The following ERCC4 variants were observed in gnomAD, a reference collection of about 807,000 sequenced individuals.
ERCC4 encodes ERCC excision repair 4, endonuclease catalytic subunit.
In ERCC4, 65 loss-of-function variants were observed where a neutral mutation model predicts 76.9. The ratio of observed to expected loss-of-function variants is 0.84; its 90% CI spans 0.69 to 1.04. ERCC4 has a LOEUF of 1.04. ERCC4 is among the 50% of genes least tolerant of loss of function. The probability of loss-of-function intolerance (pLI) is 0.00; values close to 1 mark genes in which losing one functional copy is unlikely to be tolerated. For missense variants in ERCC4, 1,214 were observed against 1,128.2 expected (o/e 1.08, Z -1.09); for synonymous variants, 463 against 410.1 (o/e 1.13, Z -1.56).
Position 13,930,763 on chromosome 16 carries a change from A to G in ERCC4, c.846A>G (p.Lys282=), listed in dbSNP as rs200536315. ...GGCACCAGCTTGGAGCCAAGACTAA[A>G]TCCTTAGTTCAGGATTTGAAGATAT... ...PLWHQLGAKT[K]SLVQDLKILR... Residue 282 remains lysine, a synonymous_variant, in exon 5 of 11, where the codon AAA becomes AAG. Transcript: ENST00000311895. 7 of 1,613,614 alleles carry G rather than the reference A, an allele frequency of 4.3e-6. No individual in the cohort carries two copies. The Admixed American group carries it at 1.2e-4, about 27-fold the overall frequency.
rs748526617 is a variant in ERCC4 at position 13,937,774 on chromosome 16, T to G, written c.1820T>G (p.Phe607Cys). Residue 607 changes from phenylalanine to cysteine, a missense_variant, in exon 9 of 11, where the codon TTT becomes TGT. By Grantham distance (205) the Phe-to-Cys change is radical. Transcript: ENST00000311895. ...SRPGKPLRVY[F>C]LIYGGSTEEQ... ...TCTGTCTTAACATGCAGGGTTTACT[T>G]TCTTATATACGGAGGTTCAACTGAG... 2 of 1,609,432 alleles carry G rather than the reference T, an allele frequency of 1.2e-6. No individual in the cohort carries two copies. Among genetic ancestry groups the G allele is most frequent in the Admixed American group, 3.3e-5 (2 of 60,018 alleles).
Position 13,920,251 on chromosome 16 carries a change from C to T in ERCC4, c.86C>T (p.Thr29Ile), listed in dbSNP as rs1370047760. The change falls in exon 1 of 11, where the codon ACT becomes ATT. Residue 29 changes from threonine (T) to isoleucine (I), a missense_variant. By Grantham distance (89) the Thr-to-Ile change is moderately conservative. Transcript: ENST00000311895. ...CAGCTGGTGCTGGAACTGCTCGACA[C>T]TGACGGGCTAGTAGTGTGCGCCCGC... is the stretch of plus-strand genomic sequence containing the variant. ...ERQLVLELLD[T>I]DGLVVCARGL... 1.9e-6 allele frequency: 3 copies of T among 1,607,558 alleles called. No individual in the cohort carries two copies. The highest frequency in any genetic ancestry group is 2.7e-5 in the African/African-American group (2 of 74,950).
In ERCC4 at chr16:13,947,694, C is replaced by T; in HGVS notation, c.2098C>T (p.His700Tyr). Residue 700 changes from histidine (H) to tyrosine (Y), a missense_variant, in exon 11 of 11, where the codon CAT becomes TAT. Coordinates refer to ENST00000311895, the MANE Select transcript of ERCC4 (RefSeq NM_005236.3). Reference sequence around the variant, plus strand: ...TCGAAGTGAGCTTCCATCTCTGATCCATCGTCGGGGCATTGACATTGAACC... The same window carrying T: ...TCGAAGTGAGCTTCCATCTCTGATCTATCGTCGGGGCATTGACATTGAACC... ...EFRSELPSLI[H>Y]RRGIDIEPVT... The T allele has an allele frequency of 6.2e-7, 1 of 1,614,216 alleles. No individual in the cohort carries two copies. The highest frequency in any genetic ancestry group is 8.5e-7 in the Non-Finnish European group (1 of 1,180,034).
chr16:13,937,287 C>G (rs1171607467), intron 8 of ERCC4, among the ~76,000 whole-genome samples: 1 of 152,010 alleles, frequency 6.6e-6, no homozygotes, highest in Admixed American at 6.6e-5. Context: ...ATCCATACGT[C>G]TTCCATGCCC....
At chr16:13,921,122 C>T (rs2031966657) in intron 1 of ERCC4, among the ~76,000 whole-genome samples, 1 of 151,818 alleles carries the variant, frequency 6.6e-6, no homozygotes, top group Non-Finnish European at 1.5e-5. Context: ...GATGGAAGAT[C>T]TCTGAGGGTG....
In ERCC4 at chr16:13,937,809, T is replaced by C; in HGVS notation, c.1855T>C (p.Tyr619His). Residue 619 changes from tyrosine (Y) to histidine (H), a missense_variant, in exon 9 of 11, where the codon TAT becomes CAT. By Grantham distance (83) the Tyr-to-His change is moderately conservative. Transcript: ENST00000311895. ...IYGGSTEEQR[Y>H]LTALRKEKEA... Reference sequence around the variant, plus strand: ...CGGAGGTTCAACTGAGGAACAACGCTATCTCACTGCTTTGCGGAAAGAAAA... The same window carrying C: ...CGGAGGTTCAACTGAGGAACAACGCCATCTCACTGCTTTGCGGAAAGAAAA... 1 of 1,613,764 alleles carries C rather than the reference T, an allele frequency of 6.2e-7. No individual in the cohort carries two copies. The highest frequency in any genetic ancestry group is 1.1e-5 in the South Asian group (1 of 91,076).
intron 8 of ERCC4, 85 bp from the exon 9 acceptor site, chr16:13,937,681 G>A: frequency 2.4e-6 from 2 of 827,430 alleles, no homozygotes; most frequent in South Asian, 2.7e-5. Context: ...AGCGCTCTAG[G>A]TTGCTGATTT....
chr16:13,930,598 A>G (rs2141948256), intron 4 of ERCC4, 112 bp from the exon 5 acceptor site: 2 of 807,060 alleles, frequency 2.5e-6, no homozygotes, highest in South Asian at 3.3e-5. Flanking sequence ...AAAATTTACC[A>G]TTTTAACCAT....
In ERCC4 at chr16:13,934,212, C is replaced by T. The variant is rs376695854; in HGVS notation, c.1123C>T (p.Leu375=). Residue 375 remains leucine (L), a synonymous_variant, in exon 7 of 11, where the codon CTA becomes TTA. Transcript: ENST00000311895. ...TACAGAAACAAAAAAGGAACTGGTC[C>T]TAGAAAGCAACCCAAAGTGGGAGGC... The part of the protein sequence containing the change: ...EGEETKKELV[L]ESNPKWEALT... 24 of 1,611,532 alleles carry T rather than the reference C, an allele frequency of 1.5e-5. No individual in the cohort carries two copies. In the African/African-American group the frequency reaches 3.1e-4, roughly 21 times the overall value.
In ERCC4 at chr16:13,948,048, C is replaced by G. The variant is rs774635437; in HGVS notation, c.2452C>G (p.Gln818Glu). The part of the protein sequence containing the change: ...ATAELFEELK[Q>E]SKPQPDAATA... ...GGCGGAGTTGTTTGAGGAGCTGAAA[C>G]AAAGCAAGCCACAGCCTGATGCGGC... The change falls in exon 11 of 11, where the codon CAA (glutamine) becomes GAA (glutamate). Residue 818 changes from glutamine to glutamate, a missense_variant. Gln to Glu is a conservative substitution (Grantham distance 29). Coordinates refer to ENST00000311895, the MANE Select transcript of ERCC4 (RefSeq NM_005236.3). 1.1e-5 allele frequency: 17 copies of G among 1,614,016 alleles called. No homozygotes were observed. The highest frequency in any genetic ancestry group is 2.5e-6 in the Non-Finnish European group (3 of 1,180,046).
In ERCC4 at chr16:13,937,799, G is replaced by A. The variant is rs774347057; in HGVS notation, c.1845G>A (p.Glu615=). 6.2e-7 allele frequency: 1 copy of A among 1,613,624 alleles called. No homozygotes were observed. Among genetic ancestry groups the A allele is most frequent in the South Asian group, 1.1e-5 (1 of 91,078 alleles). The change falls in exon 9 of 11, where the codon GAG becomes GAA. Residue 615 remains glutamate, a synonymous_variant. Coordinates refer to ENST00000311895, the MANE Select transcript of ERCC4 (RefSeq NM_005236.3). ...TTCTTATATACGGAGGTTCAACTGA[G>A]GAACAACGCTATCTCACTGCTTTGC... The part of the protein sequence containing the change: ...VYFLIYGGST[E]EQRYLTALRK...
In ERCC4 at chr16:13,930,814, T is replaced by G. The variant is rs1200003442; in HGVS notation, c.897T>G (p.Ser299=). ...KILRTLLQYL[S]QYDCVTFLNL... ...TACGAACTTTGCTGCAGTATCTCTC[T>G]CAGTATGATTGTGTCACATTTCTTA... is the stretch of plus-strand genomic sequence containing the variant. Residue 299 remains serine, a synonymous_variant, in exon 5 of 11, where the codon TCT becomes TCG. Coordinates refer to ENST00000311895, the MANE Select transcript of ERCC4 (RefSeq NM_005236.3). 6.2e-7 allele frequency: 1 copy of G among 1,612,946 alleles called. No individual in the cohort carries two copies. The highest frequency in any genetic ancestry group is 8.5e-7 in the Non-Finnish European group (1 of 1,178,928).
In ERCC4 at chr16:13,945,335, G is replaced by T. The variant is rs550614692; in HGVS notation, c.2017+500G>T. On this transcript the variant is annotated intron_variant, in intron 10 of 10. Coordinates refer to ENST00000311895, the MANE Select transcript of ERCC4 (RefSeq NM_005236.3). ...TTCTTGGTAGCTCCCCAGATACCTG[G>T]TGTCTGGTACGCATTGCTGTGCAGT... is the stretch of plus-strand genomic sequence containing the variant. Among the ~76,000 whole-genome samples the T allele has an allele frequency of 2.0e-5, 3 of 152,070 alleles. No homozygotes were observed. In the East Asian group the frequency reaches 5.8e-4, roughly 29 times the overall value.
At position 13,947,518 on chromosome 16, in the gene ERCC4, A is replaced by G. The variant is rs1274385235; in HGVS notation, c.2018-96A>G. On this transcript the variant is annotated intron_variant, in intron 10 of 10. Coordinates refer to ENST00000311895, the MANE Select transcript of ERCC4 (RefSeq NM_005236.3). ...ACCATATAGAATTATGTAACCATCC[A>G]TCAGAGTTAACAACAGAAACATCGA... 3 of 1,173,090 alleles carry G rather than the reference A, an allele frequency of 2.6e-6. No individual in the cohort carries two copies. The East Asian group carries it at 7.0e-5, about 27-fold the overall frequency. The allele number at this position is 1,173,090 out of a possible 1,614,324, so 72.7% of individuals were successfully genotyped here.
Position 13,949,314 on chromosome 16 carries a change from A to G in ERCC4, c.*967A>G, listed in dbSNP as rs2032586566. The stretch of plus-strand genomic sequence containing the variant: ...TCTTATATCCTAAGACACCAGCATC[A>G]TATCCTCTAGAAATACAACCTAATT... On this transcript the variant is annotated 3_prime_UTR_variant, in exon 11 of 11. Transcript: ENST00000311895. 1 of 233,936 alleles carries G rather than the reference A, an allele frequency of 4.3e-6. No individual in the cohort carries two copies. The highest frequency in any genetic ancestry group is 1.8e-4 in the South Asian group (1 of 5,530). 14.5% of individuals were successfully genotyped at this position (233,936 alleles called of 1,614,324 possible).
chr16:13,940,104 G>C (rs1209384005), intron 9 of ERCC4, among the ~76,000 whole-genome samples: 1 of 152,224 alleles, frequency 6.6e-6, no homozygotes, highest in Non-Finnish European at 1.5e-5. Context: ...TACAGATTAA[G>C]ACTGGATGCA....
chr16:13,925,416 A>G (rs940164007), intron 2 of ERCC4, among the ~76,000 whole-genome samples: 17 of 152,200 alleles, frequency 1.1e-4, no homozygotes, highest in Non-Finnish European at 1.6e-4. Context: ...TAAATTAGTT[A>G]TGTACGTGTA....
At chr16:13,926,820 T>A in intron 3 of ERCC4, 64 bp downstream of exon 3, 1 of 1,261,294 alleles carries the variant, frequency 7.9e-7, no homozygotes, top group Non-Finnish European at 1.2e-6. Flanking sequence ...TGAGATCTAC[T>A]GTAACTTAGT....
Position 13,928,146 on chromosome 16 carries a change from G to A in ERCC4, c.703G>A (p.Ala235Thr), listed in dbSNP as rs141101671. The A allele has an allele frequency of 8.9e-5, 143 of 1,612,960 alleles. No homozygotes were observed. Among genetic ancestry groups the A allele is most frequent in the Middle Eastern group, 8.3e-4 (5 of 6,058 alleles). Residue 235 changes from alanine (A) to threonine (T), a missense_variant, in exon 4 of 11, where the codon GCA becomes ACA. By Grantham distance (58) the Ala-to-Thr change is moderately conservative. Transcript: ENST00000311895. ...GACTGCTATACTGGACATTTTAAATGCATGTCTAAAGGAACTAAAATGCCA... is the reference window on the plus strand; with the variant it reads ...GACTGCTATACTGGACATTTTAAATACATGTCTAAAGGAACTAAAATGCCA... ...IQTAILDILNACLKELKCHNP... is the reference protein window; with the variant it reads ...IQTAILDILNTCLKELKCHNP...
Sources: gnomAD v4.1 joint callset for allele counts (sites outside exome capture counted in the v4.1 genomes callset) on GRCh38, gnomAD v4.1.1 for gene constraint, MANE v1.5 for transcripts, NCBI Gene and HGNC (gene_info 2026-07-23, HGNC 2026-07-21) for gene names.